GMDS: variants seen among roughly 807,000 people sequenced by gnomAD.
The protein encoded by GMDS is GDP-mannose 4,6 dehydratase.
A neutral mutation model predicts 49.9 loss-of-function variants in GMDS; 20 were observed. That is an observed-to-expected ratio of 0.40 (90% CI 0.28 to 0.58). The LOEUF (loss-of-function observed/expected upper bound fraction) is 0.58. Among genes scored for constraint, GMDS ranks in the 20% least tolerant of loss-of-function variants. GMDS has a pLI of 0.42. For synonymous variants in GMDS, 177 were observed against 178.6 expected (o/e 0.99, Z 0.07); for missense variants, 362 against 481.4 (o/e 0.75, Z 2.32).
At chr6:2,150,306 T>C (rs1213663212) in intron 1 of GMDS, among the ~76,000 whole-genome samples, 1 of 152,160 alleles carries the variant, frequency 6.6e-6, no homozygotes, top group African/African-American at 2.4e-5. Context: ...TCCTGGCATT[T>C]TGGGAGGCTG....
chr6:2,113,085 G>A (rs1774639940), intron 4 of GMDS, among the ~76,000 whole-genome samples: 1 of 152,112 alleles, frequency 6.6e-6, no homozygotes, highest in African/African-American at 2.4e-5. Flanking sequence ...TGTCCTTCAA[G>A]TAACGCCAGT....
At position 1,800,943 on chromosome 6, in the gene GMDS, G is replaced by A. The variant is rs115737892; in HGVS notation, c.772-58357C>T. Among the ~76,000 whole-genome samples the A allele has an allele frequency of 8.4e-3, 1,285 of 152,302 alleles. 14 individuals are homozygous for A. Among genetic ancestry groups the A allele is most frequent in the African/African-American group, 0.03 (1,234 of 41,564 alleles). ...TTCTGGGAAGAACTGCTGGAGGAGC[G>A]AACTCTGGTTATTGGTGATTCTTGA... On this transcript the variant is annotated intron_variant, in intron 7 of 10. Coordinates refer to ENST00000380815, the MANE Select transcript of GMDS (RefSeq NM_001500.4).
chr6:1,871,095 A>T (rs996118834), intron 7 of GMDS, among the ~76,000 whole-genome samples: 1 of 149,782 alleles, frequency 6.7e-6, no homozygotes, highest in Non-Finnish European at 1.5e-5. Flanking sequence ...CACTTAAACC[A>T]CTGTCTAATT....
chr6:2,170,989 C>T (rs549424858), intron 1 of GMDS, among the ~76,000 whole-genome samples: 3 of 151,652 alleles, frequency 2.0e-5, no homozygotes, highest in Admixed American at 6.6e-5. Flanking sequence ...AGTGAGACTC[C>T]GTCTCCAAAA....
intron 4 of GMDS, among the ~76,000 whole-genome samples, chr6:1,989,316 T>C (rs1290784632): frequency 1.3e-5 from 2 of 152,068 alleles, no homozygotes; most frequent in Admixed American, 6.5e-5. Context: ...AGGCTGTTAA[T>C]GGAAGAGAAG....
intron 1 of GMDS, among the ~76,000 whole-genome samples, chr6:2,241,333 G>A (rs987881331): frequency 4.6e-5 from 7 of 152,218 alleles, no homozygotes; most frequent in African/African-American, 1.4e-4. Flanking sequence ...ACTTTGAACC[G>A]TTAAGTTGGT....
intron 9 of GMDS, among the ~76,000 whole-genome samples, chr6:1,650,091 G>A (rs1337180589): frequency 1.3e-5 from 2 of 152,212 alleles, no homozygotes; most frequent in African/African-American, 4.8e-5. Flanking sequence ...AATGCTGGCC[G>A]TAATCATCTA....
chr6:1,866,910 G>A (rs1758468438), intron 7 of GMDS, among the ~76,000 whole-genome samples: 1 of 152,172 alleles, frequency 6.6e-6, no homozygotes, highest in East Asian at 1.9e-4. Flanking sequence ...CATGCTCACT[G>A]GATGATAACA....
intron 1 of GMDS, among the ~76,000 whole-genome samples, chr6:2,207,463 T>C (rs1408168004): frequency 1.3e-5 from 2 of 151,886 alleles, no homozygotes; most frequent in Admixed American, 6.5e-5. Context: ...CCAAATAATA[T>C]AGGGATTGTA....
Position 2,016,754 on chromosome 6 carries a change from A to C in GMDS, c.346-55788T>G, listed in dbSNP as rs535424224. On this transcript the variant is annotated intron_variant, in intron 4 of 10. Coordinates refer to ENST00000380815, the MANE Select transcript of GMDS (RefSeq NM_001500.4). ...TCAACAACAATAGAATCAAACTATA[A>C]ATCAATAAAAACGACTTCTAGAAAA... Among the ~76,000 whole-genome samples the C allele has an allele frequency of 8.5e-5, 13 of 152,328 alleles. No homozygotes were observed. In the East Asian group the frequency reaches 2.5e-3, roughly 29 times the overall value.
At chr6:2,216,544 G>T in intron 1 of GMDS, among the ~76,000 whole-genome samples, 1 of 152,188 alleles carries the variant, frequency 6.6e-6, no homozygotes, top group East Asian at 1.9e-4. Context: ...ACACTTCTTT[G>T]TGGGAAAGAG....
chr6:1,724,150 A>T (rs1368974079), intron 9 of GMDS, among the ~76,000 whole-genome samples: 1 of 152,224 alleles, frequency 6.6e-6, no homozygotes, highest in East Asian at 1.9e-4. Flanking sequence ...CTAGAGGCTT[A>T]GAAAGATAAA....
At chr6:2,211,906 C>A (rs978819810) in intron 1 of GMDS, among the ~76,000 whole-genome samples, 1 of 152,124 alleles carries the variant, frequency 6.6e-6, no homozygotes, top group Non-Finnish European at 1.5e-5. Context: ...TAAAAGCCTT[C>A]CAAAAATATG....
chr6:1,870,699 G>A (rs1027963702), intron 7 of GMDS, among the ~76,000 whole-genome samples: 5 of 151,926 alleles, frequency 3.3e-5, no homozygotes, highest in Non-Finnish European at 5.9e-5. Flanking sequence ...CTTTTGTTAC[G>A]CCCAAGACAC....
chr6:1,873,787 C>G (rs1364872776), intron 7 of GMDS, among the ~76,000 whole-genome samples: 1 of 152,200 alleles, frequency 6.6e-6, no homozygotes, highest in Non-Finnish European at 1.5e-5. Flanking sequence ...AAGCTGGTGA[C>G]AGCAGGAAAA....
chr6:2,120,656 T>C (rs762718682), intron 2 of GMDS, among the ~76,000 whole-genome samples: 101 of 152,224 alleles, frequency 6.6e-4, no homozygotes, highest in African/African-American at 2.4e-3. Flanking sequence ...GGTTTTCCTC[T>C]GTACTTAGTG....
At chr6:1,851,879 C>A (rs1008478416) in intron 7 of GMDS, among the ~76,000 whole-genome samples, 1 of 152,208 alleles carries the variant, frequency 6.6e-6, no homozygotes. Flanking sequence ...GCTCCACCCA[C>A]AGCAGACATC....
At chr6:1,713,753 CAT>C (rs1409651189) in intron 9 of GMDS, among the ~76,000 whole-genome samples, 2 of 152,174 alleles carry the variant, frequency 1.3e-5, no homozygotes, top group Non-Finnish European at 2.9e-5. Flanking sequence ...TGTTTTTATC[CAT>C]AGTCTCTTCT....
intron 1 of GMDS, among the ~76,000 whole-genome samples, chr6:2,137,217 TA>T (rs1439699218): frequency 6.6e-6 from 1 of 152,232 alleles, no homozygotes; most frequent in Non-Finnish European, 1.5e-5. Flanking sequence ...ACATGAATTC[TA>T]ATATCTGCCT....
Sources: allele counts gnomAD v4.1 joint callset (sites outside exome capture counted in the v4.1 genomes callset), GRCh38; gene constraint gnomAD v4.1.1; transcripts MANE v1.5; gene names NCBI Gene and HGNC (gene_info 2026-07-23, HGNC 2026-07-21).